The following RAB3C variants were observed in gnomAD, a reference collection of about 807,000 sequenced individuals.
RAB3C encodes ras-related protein Rab-3C.
Under a neutral mutation model 26.4 loss-of-function variants are expected in RAB3C, and 17 were observed. That is an observed-to-expected ratio of 0.64 (90% confidence interval 0.44 to 0.97). RAB3C has a LOEUF of 0.97. RAB3C is among the 50% of genes least tolerant of loss of function. The pLI, the probability that RAB3C is intolerant of heterozygous loss-of-function variation, is 0.00. For missense variants in RAB3C, 242 were observed against 281.9 expected (o/e 0.86, Z 1.01); for synonymous variants, 91 against 95.9 (o/e 0.95, Z 0.30).
At chr5:58,711,984 A>G (rs1309529085) in intron 2 of RAB3C, among the ~76,000 whole-genome samples, 1 of 152,216 alleles carries the variant, frequency 6.6e-6, no homozygotes, top group African/African-American at 2.4e-5. Flanking sequence ...TAAAAATGGT[A>G]GAAAATGCAC....
In RAB3C at chr5:58,851,447, T is replaced by A; in HGVS notation, c.*96T>A. On this transcript the variant is annotated 3_prime_UTR_variant, in exon 5 of 5. Transcript: ENST00000282878. ...AGCCTTCATTTATACTGCCTAACAA[T>A]TATTTGAAGGAATAAATTGATGTCA... The A allele has an allele frequency of 1.0e-6, 1 of 996,006 alleles. No individual in the cohort carries two copies. The highest frequency in any genetic ancestry group is 1.4e-6 in the Non-Finnish European group (1 of 692,276). 61.7% of individuals were successfully genotyped at this position (996,006 alleles called of 1,614,324 possible).
chr5:58,685,150 C>T (rs1748417968), intron 2 of RAB3C, among the ~76,000 whole-genome samples: 1 of 152,132 alleles, frequency 6.6e-6, no homozygotes, highest in Non-Finnish European at 1.5e-5. Flanking sequence ...CAAAGGATGA[C>T]TGTCTATATA....
intron 3 of RAB3C, among the ~76,000 whole-genome samples, chr5:58,771,153 G>A (rs528408880): frequency 5.9e-5 from 9 of 152,224 alleles, no homozygotes; most frequent in African/African-American, 2.2e-4. Context: ...AATGTCTTTA[G>A]AAGTAGGAAA....
intron 2 of RAB3C, among the ~76,000 whole-genome samples, chr5:58,693,085 C>G (rs551054395): frequency 1.3e-5 from 2 of 149,808 alleles, no homozygotes; most frequent in Non-Finnish European, 3.0e-5. Flanking sequence ...CCAGCCTGGG[C>G]AACAAGAGTG....
intron 3 of RAB3C, among the ~76,000 whole-genome samples, chr5:58,783,816 A>G (rs378776): frequency 0.78 from 119,209 of 152,058 alleles, 46,882 homozygotes; most frequent in African/African-American, 0.83. Flanking sequence ...AAGATTTCCT[A>G]AGCAAACCAG....
intron 3 of RAB3C, among the ~76,000 whole-genome samples, chr5:58,780,360 G>A (rs183807192): frequency 2.6e-5 from 4 of 152,172 alleles, no homozygotes; most frequent in Admixed American, 1.3e-4. Context: ...ATTGTGCCTC[G>A]CAACGCTGAA....
intron 3 of RAB3C, among the ~76,000 whole-genome samples, chr5:58,806,509 T>A (rs78632008): frequency 0.053 from 8,045 of 152,264 alleles, 288 homozygotes; most frequent in East Asian, 0.11. Context: ...ACAAGCTCCC[T>A]GGATACGTGA....
chr5:58,729,895 A>C (rs560392179), intron 3 of RAB3C, among the ~76,000 whole-genome samples: 2 of 147,092 alleles, frequency 1.4e-5, no homozygotes, highest in East Asian at 2.0e-4. Context: ...ATATACATAT[A>C]CTATATGTAT....
chr5:58,814,497 C>T (rs10060763), intron 3 of RAB3C, among the ~76,000 whole-genome samples: 42,264 of 152,098 alleles, frequency 0.28, 6,054 homozygotes, highest in African/African-American at 0.33. Flanking sequence ...TGCCTTCCCA[C>T]TAACCTAAGA....
chr5:58,704,808 A>G (rs1464170388), intron 2 of RAB3C, among the ~76,000 whole-genome samples: 1 of 152,028 alleles, frequency 6.6e-6, no homozygotes, highest in Non-Finnish European at 1.5e-5. Flanking sequence ...TTGAACATTT[A>G]GTTCCAGTTT....
chr5:58,619,482 CTTTGGTGAATGGAAAATTAAATTAA>C (rs1746890614), intron 2 of RAB3C, among the ~76,000 whole-genome samples: 7 of 152,118 alleles, frequency 4.6e-5, no homozygotes, highest in Non-Finnish European at 1.0e-4. Flanking sequence ...TTCTCAGGGG[CTTTGGTGAATGGAAAATTAAATTAA>C]TTTGGAAACG....
chr5:58,732,726 G>A (rs571086876), intron 3 of RAB3C, among the ~76,000 whole-genome samples: 76 of 152,290 alleles, frequency 5.0e-4, no homozygotes, highest in African/African-American at 1.7e-3. Context: ...TGGATAGGCA[G>A]TTTGATATGT....
chr5:58,613,617 A>G (rs900915114), intron 1 of RAB3C, among the ~76,000 whole-genome samples: 7 of 152,160 alleles, frequency 4.6e-5, no homozygotes, highest in African/African-American at 1.7e-4. Flanking sequence ...TAGAATGGGA[A>G]TAGAAGAAAC....
In RAB3C at chr5:58,852,421, T is replaced by C. The variant is rs1369673309; in HGVS notation, c.*1070T>C. 5 of 152,200 alleles carry C rather than the reference T, an allele frequency of 3.3e-5. No individual in the cohort carries two copies. The highest frequency in any genetic ancestry group is 5.9e-5 in the Non-Finnish European group (4 of 68,026). The allele number at this position is 152,200 out of a possible 1,614,324, so 9.4% of individuals were successfully genotyped here. A position where few individuals can be genotyped will look rare whatever the true frequency, so the allele number is the denominator to read the frequency against. On this transcript the variant is annotated 3_prime_UTR_variant, in exon 5 of 5. Transcript: ENST00000282878. ...AGTTCTTTTACCTGTTTAGATGCTA[T>C]TTAAATCAGATTTCAAAGGGTCCCC...
At chr5:58,582,990 C>G (rs568269734), upstream of RAB3C, 3 of 1,310,706 alleles carry the variant, frequency 2.3e-6, no homozygotes, top group Admixed American at 6.0e-5. Context: ...TTGCCGGGAA[C>G]ACCCGGAGGG....
chr5:58,754,109 C>G (rs1271411802), intron 3 of RAB3C, among the ~76,000 whole-genome samples: 1 of 152,072 alleles, frequency 6.6e-6, no homozygotes, highest in Non-Finnish European at 1.5e-5. Context: ...TTTTAGAAAG[C>G]TTTCCATCAC....
At chr5:58,719,127 T>C (rs1240080000) in intron 2 of RAB3C, among the ~76,000 whole-genome samples, 2 of 152,016 alleles carry the variant, frequency 1.3e-5, no homozygotes, top group Non-Finnish European at 2.9e-5. Flanking sequence ...TCTGGAACAG[T>C]ATCTCAATCA....
intron 3 of RAB3C, among the ~76,000 whole-genome samples, chr5:58,795,101 G>A (rs1375420694): frequency 6.6e-6 from 1 of 152,108 alleles, no homozygotes; most frequent in Non-Finnish European, 1.5e-5. Flanking sequence ...TCTCAGGATA[G>A]TGAGTAAGTC....
chr5:58,670,181 C>T (rs1000704602), intron 2 of RAB3C, among the ~76,000 whole-genome samples: 2 of 152,136 alleles, frequency 1.3e-5, no homozygotes, highest in African/African-American at 4.8e-5. Flanking sequence ...CATATCTGAA[C>T]AATTGACATA....
Sources: gnomAD v4.1 joint callset for allele counts (sites outside exome capture counted in the v4.1 genomes callset) on GRCh38, gnomAD v4.1.1 for gene constraint, MANE v1.5 for transcripts, NCBI Gene and HGNC (gene_info 2026-07-23, HGNC 2026-07-21) for gene names.